The following PCSK1 variants were observed in gnomAD, a reference collection of about 807,000 sequenced individuals.
The protein encoded by PCSK1 is neuroendocrine convertase 1.
A neutral mutation model predicts 90.6 loss-of-function variants in PCSK1; 56 were observed. The ratio of observed to expected loss-of-function variants is 0.62; its 90% CI spans 0.50 to 0.77. The LOEUF (loss-of-function observed/expected upper bound fraction) is 0.77. Ranked by LOEUF, PCSK1 falls within the 30% of genes least tolerant of loss-of-function variation. The pLI is 0.00. For synonymous variants in PCSK1, 348 were observed against 342.4 expected, an observed-to-expected ratio of 1.02 and a Z score of -0.18; for missense variants, 801 against 932.6, an observed-to-expected ratio of 0.86 and a Z score of 1.84.
In PCSK1 at chr5:96,421,806, T is replaced by C. The variant is rs1761136471; in HGVS notation, c.620+74A>G. ...TGAGCACTGGAATGTGGATGAAATA[T>C]ATGGTATAATTTTCTCAAACAAGAT... is the stretch of plus-strand genomic sequence containing the variant. On this transcript the variant is annotated intron_variant, in intron 5 of 13. Coordinates refer to ENST00000311106, the MANE Select transcript of PCSK1 (RefSeq NM_000439.5). 7.1e-6 allele frequency: 6 copies of C among 842,068 alleles called. No individual in the cohort carries two copies. In the East Asian group the frequency reaches 7.2e-5, roughly 10 times the overall value. 52.2% of individuals were successfully genotyped at this position (842,068 alleles called of 1,614,324 possible).
rs558044583 is a variant in PCSK1, at chr5:96,400,085, A to C, written c.1298T>G (p.Leu433Trp). 1 of 1,614,070 alleles carries C rather than the reference A, an allele frequency of 6.2e-7. No homozygotes were observed. The highest frequency in any genetic ancestry group is 1.7e-5 in the Admixed American group (1 of 60,020). Residue 433 changes from leucine to tryptophan, a missense_variant, in exon 10 of 14, where the codon TTG (leucine) becomes TGG (tryptophan). Transcript: ENST00000311106. Reference sequence around the variant, plus strand: ...AAATCCAAATCGACTATTCACCATCAAGCCTGCTCCATTCTTTTTCCATCC... The same window carrying C: ...AAATCCAAATCGACTATTCACCATCCAGCCTGCTCCATTCTTTTTCCATCC... ...NPGWKKNGAGLMVNSRFGFGL... is the reference protein window; with the variant it reads ...NPGWKKNGAGWMVNSRFGFGL...
chr5:96,409,137 C>T (rs1215337416), intron 8 of PCSK1, among the ~76,000 whole-genome samples: 1 of 152,160 alleles, frequency 6.6e-6, no homozygotes, highest in African/African-American at 2.4e-5. Context: ...GAAGAGATTG[C>T]TGAGATGAAG....
intron 1 of PCSK1, among the ~76,000 whole-genome samples, chr5:96,429,987 C>A (rs1012058817): frequency 2.0e-5 from 3 of 152,164 alleles, no homozygotes; most frequent in Non-Finnish European, 2.9e-5. Flanking sequence ...GGTAAGCAGG[C>A]AAACACCTGG....
In PCSK1 at chr5:96,393,014, T is replaced by G. The variant is rs1410910376; in HGVS notation, c.2249A>C (p.Asn750Thr). 1 of 1,614,222 alleles carries G rather than the reference T, an allele frequency of 6.2e-7. No homozygotes were observed. The highest frequency in any genetic ancestry group is 2.2e-5 in the East Asian group (1 of 44,890). ...RLLQALVDIL[N>T]EEN The stretch of plus-strand genomic sequence containing the variant: ...CACACACTTATTTTAATTTTCCTCA[T>G]TCAGAATGTCCACCAGAGCTTGAAG... The change falls in exon 14 of 14, where the codon AAT becomes ACT. Residue 750 changes from asparagine (N) to threonine (T), a missense_variant. By Grantham distance (65) the Asn-to-Thr change is moderately conservative. Transcript: ENST00000311106.
chr5:96,392,872 A>G lies in PCSK1; in HGVS notation c.*129T>C. On this transcript the variant is annotated 3_prime_UTR_variant, in exon 14 of 14. Transcript: ENST00000311106. Reference sequence around the variant, plus strand: ...CTTCACATGTACAGTTTAGGGAGAAAAAGAAAAGGTGCCACAAAGGATATT... The same window carrying G: ...CTTCACATGTACAGTTTAGGGAGAAGAAGAAAAGGTGCCACAAAGGATATT... The G allele has an allele frequency of 1.0e-6, 1 of 957,598 alleles. No homozygotes were observed. The highest frequency in any genetic ancestry group is 1.6e-6 in the Non-Finnish European group (1 of 607,706). 59.3% of individuals were successfully genotyped at this position (957,598 alleles called of 1,614,324 possible). A position where few individuals can be genotyped will look rare whatever the true frequency, so the allele number is the denominator to read the frequency against.
chr5:96,417,546 A>G (rs1760976112), intron 5 of PCSK1, among the ~76,000 whole-genome samples: 1 of 151,888 alleles, frequency 6.6e-6, no homozygotes, highest in Non-Finnish European at 1.5e-5. Flanking sequence ...TGTGAGTCAT[A>G]TGGGTCTTGC....
At chr5:96,423,227 C>A (rs1479017562) in intron 4 of PCSK1, 86 bp downstream of exon 4, 10 of 1,310,738 alleles carry the variant, frequency 7.6e-6, no homozygotes, top group African/African-American at 4.4e-5. Flanking sequence ...ACCAGAGCAG[C>A]ATCCCCTTGA....
At chr5:96,399,894 C>T (rs1414265746) in intron 10 of PCSK1, 59 bp downstream of exon 10, 1 of 1,326,770 alleles carries the variant, frequency 7.5e-7, no homozygotes, top group African/African-American at 1.4e-5. Flanking sequence ...GAATGGCAAA[C>T]ATAGTAATGA....
intron 3 of PCSK1, among the ~76,000 whole-genome samples, chr5:96,424,975 AAGAT>A (rs1163538846): frequency 6.4e-5 from 9 of 140,762 alleles, no homozygotes; most frequent in African/African-American, 1.8e-4. Flanking sequence ...AAAAAAAAGA[AAGAT>A]AGAAAGAAAG....
At chr5:96,425,249 A>G (rs759933859) in intron 3 of PCSK1, among the ~76,000 whole-genome samples, 3 of 152,130 alleles carry the variant, frequency 2.0e-5, no homozygotes, top group Admixed American at 6.5e-5. Context: ...AAGAGAGGAC[A>G]CCCTGCAGGT....
At position 96,412,503 on chromosome 5, in the gene PCSK1, A is replaced by G. The variant is rs1362726340; in HGVS notation, c.710-13T>C. The stretch of plus-strand genomic sequence containing the variant: ...AGCATTCTTATGCCTGAGAAACAAA[A>G]TAAACAAAGACACACAAAGGTTGAT... On this transcript the variant is annotated splice_polypyrimidine_tract_variant and intron_variant, in intron 6 of 13. Coordinates refer to ENST00000311106, the MANE Select transcript of PCSK1 (RefSeq NM_000439.5). 8 of 1,612,408 alleles carry G rather than the reference A, an allele frequency of 5.0e-6. No individual in the cohort carries two copies. In the Admixed American group the frequency reaches 8.3e-5, roughly 17 times the overall value.
chr5:96,429,335 T>A lies in PCSK1; in HGVS notation c.181-18A>T, dbSNP rs748592986. The A allele has an allele frequency of 7.6e-7, 1 of 1,318,660 alleles. No homozygotes were observed. Among genetic ancestry groups the A allele is most frequent in the Non-Finnish European group, 1.1e-6 (1 of 911,578 alleles). 81.7% of individuals were successfully genotyped at this position (1,318,660 alleles called of 1,614,324 possible). A position where few individuals can be genotyped will look rare whatever the true frequency, so the allele number is the denominator to read the frequency against. Reference sequence around the variant, plus strand: ...GAACCAATCTATAAAAGGAAAGAAATAAAATAAATATCCACGTTCCCAAAC... The same window carrying A: ...GAACCAATCTATAAAAGGAAAGAAAAAAAATAAATATCCACGTTCCCAAAC... On this transcript the variant is annotated intron_variant, in intron 1 of 13. Coordinates refer to ENST00000311106, the MANE Select transcript of PCSK1 (RefSeq NM_000439.5).
chr5:96,414,999 G>A, intron 6 of PCSK1, among the ~76,000 whole-genome samples: 1 of 152,190 alleles, frequency 6.6e-6, no homozygotes, highest in East Asian at 1.9e-4. Context: ...GTTTAATGGG[G>A]TTTTATTGTA....
intron 5 of PCSK1, among the ~76,000 whole-genome samples, chr5:96,419,447 C>CTA (rs904773061): frequency 1.3e-4 from 19 of 148,206 alleles, no homozygotes; most frequent in African/African-American, 2.7e-4. Context: ...CTCTCTCTCT[C>CTA]TATATATATA....
intron 5 of PCSK1, among the ~76,000 whole-genome samples, chr5:96,418,020 T>C (rs918814675): frequency 6.6e-6 from 1 of 152,240 alleles, no homozygotes; most frequent in Non-Finnish European, 1.5e-5. Flanking sequence ...ATCAATCTGC[T>C]GACAGACATC....
chr5:96,416,393 A>G (rs1421733440), intron 5 of PCSK1, among the ~76,000 whole-genome samples: 2 of 152,266 alleles, frequency 1.3e-5, no homozygotes, highest in South Asian at 2.1e-4. Flanking sequence ...GCTTGGTCAC[A>G]TGACAAATTA....
At chr5:96,431,987 T>C (rs1761517656) in intron 1 of PCSK1, 1 of 832,224 alleles carries the variant, frequency 1.2e-6, no homozygotes, top group Non-Finnish European at 2.0e-6. Context: ...ACTTAATGTC[T>C]TGACGCCCAC....
intron 7 of PCSK1, 106 bp from the exon 8 acceptor site, chr5:96,411,092 G>A: frequency 1.2e-6 from 1 of 848,682 alleles, no homozygotes; most frequent in South Asian, 1.3e-5. Context: ...CTCAGAGACA[G>A]CTATTTGGGA....
In PCSK1 at chr5:96,410,969, C is replaced by T. The variant is rs775625726; in HGVS notation, c.900G>A (p.Gly300=). Residue 300 remains glycine, a synonymous_variant, in exon 8 of 14, where the codon GGG becomes GGA. Transcript: ENST00000311106. ...YGVKQGRQGK[G]SIFVWASGNG... is the part of the protein sequence containing the mutation. Reference sequence around the variant, plus strand: ...TTCCCGAAGCCCAGACGAAGATGGACCCCTTCCCCTGTCTCCCCTAAAGGA... The same window carrying T: ...TTCCCGAAGCCCAGACGAAGATGGATCCCTTCCCCTGTCTCCCCTAAAGGA... 10 of 1,613,088 alleles carry T rather than the reference C, an allele frequency of 6.2e-6. No homozygotes were observed. Among genetic ancestry groups the T allele is most frequent in the South Asian group, 1.1e-5 (1 of 91,036 alleles).
Sources: gnomAD v4.1 joint callset for allele counts (sites outside exome capture counted in the v4.1 genomes callset) on GRCh38, gnomAD v4.1.1 for gene constraint, MANE v1.5 for transcripts, NCBI Gene and HGNC (gene_info 2026-07-23, HGNC 2026-07-21) for gene names.